SEMA6D: variants seen among roughly 807,000 people sequenced by gnomAD.
SEMA6D encodes semaphorin-6D.
In SEMA6D, 35 loss-of-function variants were observed where a neutral mutation model predicts 106.6. The ratio of observed to expected loss-of-function variants is 0.33; its 90% confidence interval spans 0.25 to 0.44. The LOEUF (loss-of-function observed/expected upper bound fraction) is 0.44. Ranked by LOEUF, SEMA6D falls within the 20% of genes least tolerant of loss-of-function variation. SEMA6D has a pLI of 1.00. For missense variants in SEMA6D, 1,185 were observed against 1,345.9 expected (o/e 0.88, Z 1.87); for synonymous variants, 499 against 487.7 (o/e 1.02, Z -0.31).
chr15:47,494,067 A>G (rs984742058), intron 3 of SEMA6D, among the ~76,000 whole-genome samples: 1 of 152,168 alleles, frequency 6.6e-6, no homozygotes, highest in Non-Finnish European at 1.5e-5. Context: ...CAAAAAGCAA[A>G]GAAGCTTCCC....
chr15:47,487,004 C>T (rs571031438), intron 3 of SEMA6D, among the ~76,000 whole-genome samples: 9 of 152,262 alleles, frequency 5.9e-5, no homozygotes, highest in African/African-American at 2.2e-4. Context: ...TTTATACTGT[C>T]GTCTTTGCCC....
rs2039787279 is a variant in SEMA6D, at chr15:47,385,122, T to C, written c.-238-27271T>C. Among the ~76,000 whole-genome samples, 3 of 148,058 alleles carry C rather than the reference T, an allele frequency of 2.0e-5. 1 individual carries two copies. The South Asian group carries it at 6.4e-4, about 31-fold the overall frequency. On this transcript the variant is annotated intron_variant, in intron 1 of 19. Transcript: ENST00000558014. ...CATTATATACAACAGTTTTCATAAC[T>C]CATGCAAATATTGCATCCAACTTTT... is the stretch of plus-strand genomic sequence containing the variant.
At chr15:47,673,902 C>A (rs955000036) in intron 4 of SEMA6D, among the ~76,000 whole-genome samples, 9 of 152,174 alleles carry the variant, frequency 5.9e-5, no homozygotes, top group Non-Finnish European at 1.2e-4. Context: ...TCAGGCTGTG[C>A]CCTCTGTGCA....
chr15:47,465,707 T>G (rs1250310768), intron 2 of SEMA6D, among the ~76,000 whole-genome samples: 1 of 152,166 alleles, frequency 6.6e-6, no homozygotes, highest in East Asian at 1.9e-4. Flanking sequence ...AAGATGTGCC[T>G]CCTTTCTCTT....
At chr15:47,563,899 A>G (rs757402962) in intron 3 of SEMA6D, among the ~76,000 whole-genome samples, 6 of 152,178 alleles carry the variant, frequency 3.9e-5, no homozygotes, top group Non-Finnish European at 8.8e-5. Flanking sequence ...AAAATAAGTA[A>G]CTGCCCTCAC....
chr15:47,542,571 A>C (rs531732974), intron 3 of SEMA6D, among the ~76,000 whole-genome samples: 1 of 152,278 alleles, frequency 6.6e-6, no homozygotes, highest in East Asian at 1.9e-4. Context: ...CAACTTACCA[A>C]GCTAGAGGTT....
At chr15:47,267,803 A>G (rs1440709789) in intron 1 of SEMA6D, among the ~76,000 whole-genome samples, 2 of 152,092 alleles carry the variant, frequency 1.3e-5, no homozygotes, top group African/African-American at 4.8e-5. Context: ...GCACTTTTCC[A>G]GATTCTGCTG....
At chr15:47,418,930 A>G (rs1470972695) in intron 2 of SEMA6D, among the ~76,000 whole-genome samples, 1 of 152,180 alleles carries the variant, frequency 6.6e-6, no homozygotes, top group Non-Finnish European at 1.5e-5. Context: ...CGTAAGTGCA[A>G]GCATACAGTG....
chr15:47,460,623 T>C (rs1414621891), intron 2 of SEMA6D, among the ~76,000 whole-genome samples: 2 of 152,148 alleles, frequency 1.3e-5, no homozygotes, highest in Non-Finnish European at 2.9e-5. Context: ...TAATTGTGAA[T>C]GTTTTTCTTT....
intron 2 of SEMA6D, among the ~76,000 whole-genome samples, chr15:47,426,180 A>G (rs1241559838): frequency 1.3e-5 from 2 of 151,838 alleles, no homozygotes; most frequent in Non-Finnish European, 2.9e-5. Flanking sequence ...TTTTTAATTT[A>G]TGTTTTTAGA....
intron 4 of SEMA6D, among the ~76,000 whole-genome samples, chr15:47,680,061 A>G (rs2078322203): frequency 6.6e-6 from 1 of 152,176 alleles, no homozygotes; most frequent in African/African-American, 2.4e-5. Flanking sequence ...AAGCCCCATT[A>G]CAAAGTGGCT....
At chr15:47,270,504 A>T (rs1210413765) in intron 1 of SEMA6D, among the ~76,000 whole-genome samples, 1 of 152,046 alleles carries the variant, frequency 6.6e-6, no homozygotes, top group Non-Finnish European at 1.5e-5. Context: ...TGTGAATAGA[A>T]TGATGACGTG....
At chr15:47,673,745 G>C (rs1038525909) in intron 4 of SEMA6D, among the ~76,000 whole-genome samples, 3 of 152,126 alleles carry the variant, frequency 2.0e-5, no homozygotes, top group Admixed American at 6.5e-5. Context: ...GACAGATTAC[G>C]GAGAGAGACC....
intron 1 of SEMA6D, among the ~76,000 whole-genome samples, chr15:47,367,366 T>C (rs2039069436): frequency 6.6e-6 from 1 of 152,168 alleles, no homozygotes; most frequent in African/African-American, 2.4e-5. Context: ...ACAGCAACCC[T>C]CAGGTCATTT....
At chr15:47,312,052 CTG>C (rs1022755274) in intron 1 of SEMA6D, among the ~76,000 whole-genome samples, 3 of 152,080 alleles carry the variant, frequency 2.0e-5, no homozygotes, top group African/African-American at 7.2e-5. Context: ...TCAGCTCTGA[CTG>C]TGATGTTGGC....
chr15:47,463,534 T>A (rs1273005649), intron 2 of SEMA6D, among the ~76,000 whole-genome samples: 1 of 152,194 alleles, frequency 6.6e-6, no homozygotes, highest in Admixed American at 6.5e-5. Flanking sequence ...TGGTGGCAGC[T>A]GAAGCACATG....
rs146584175 is a variant in SEMA6D at position 47,532,051 on chromosome 15, G to C, written c.-87+61506G>C. Among the ~76,000 whole-genome samples, 453 of 152,196 alleles carry C rather than the reference G, an allele frequency of 3.0e-3. 2 individuals are homozygous for C. The highest frequency in any genetic ancestry group is 0.011 in the African/African-American group (443 of 41,540). On this transcript the variant is annotated intron_variant, in intron 3 of 19. Transcript: ENST00000558014. ...CCCACTCCCGGCAGTTAATTCCTCTGCCTCTCTTTTTGGTATCCAAAGACC... is the reference window on the plus strand; with the variant it reads ...CCCACTCCCGGCAGTTAATTCCTCTCCCTCTCTTTTTGGTATCCAAAGACC...
chr15:47,672,338 G>A (rs937364701), intron 4 of SEMA6D, among the ~76,000 whole-genome samples: 2 of 152,102 alleles, frequency 1.3e-5, no homozygotes, highest in African/African-American at 2.4e-5. Flanking sequence ...TTTCCCTATC[G>A]GAAACAGATT....
intron 2 of SEMA6D, among the ~76,000 whole-genome samples, chr15:47,442,181 A>G (rs1243734201): frequency 6.6e-6 from 1 of 152,090 alleles, no homozygotes; most frequent in Admixed American, 6.6e-5. Flanking sequence ...AAAATCCATT[A>G]ATAATATTCC....
Sources: gnomAD v4.1 joint callset for allele counts (sites outside exome capture counted in the v4.1 genomes callset) on GRCh38, gnomAD v4.1.1 for gene constraint, MANE v1.5 for transcripts, NCBI Gene and HGNC (gene_info 2026-07-23, HGNC 2026-07-21) for gene names.